The following UBTD1 variants were observed in gnomAD, a reference collection of about 807,000 sequenced individuals.
The protein encoded by UBTD1 is ubiquitin domain-containing protein 1.
UBTD1 carries 19 observed loss-of-function variants against 21.7 expected under a neutral mutation model. That is an observed-to-expected ratio of 0.87 (90% CI 0.61 to 1.28). The LOEUF is 1.28. UBTD1 is among the 50% of genes most tolerant of loss of function. UBTD1 has a pLI of 0.00. For synonymous variants in UBTD1, 116 were observed against 135.1 expected, an observed-to-expected ratio of 0.86 and a Z score of 0.98; for missense variants, 282 against 315.1, an observed-to-expected ratio of 0.89 and a Z score of 0.80.
chr10:97,523,688 G>A (rs1215297845), intron 1 of UBTD1, among the ~76,000 whole-genome samples: 1 of 152,118 alleles, frequency 6.6e-6, no homozygotes. Context: ...TTGGGCACCT[G>A]GGGGCTGGGG....
intron 1 of UBTD1, among the ~76,000 whole-genome samples, chr10:97,507,384 C>T (rs559691614): frequency 2.1e-3 from 325 of 152,050 alleles, no homozygotes; most frequent in Middle Eastern, 0.02. Flanking sequence ...CACCTATAAT[C>T]CCAGCACTTT....
chr10:97,559,488 A>C (rs1191746086), intron 1 of UBTD1, among the ~76,000 whole-genome samples: 6 of 152,170 alleles, frequency 3.9e-5, no homozygotes, highest in Admixed American at 2.6e-4. Context: ...CTTTAGCACC[A>C]ATTTTTACTA....
At chr10:97,525,788 C>A (rs978311573) in intron 1 of UBTD1, among the ~76,000 whole-genome samples, 1 of 152,204 alleles carries the variant, frequency 6.6e-6, no homozygotes, top group African/African-American at 2.4e-5. Flanking sequence ...TGCGGGAGAG[C>A]AAGGACTTTG....
chr10:97,568,027 G>T lies in UBTD1; in HGVS notation c.184G>T (p.Glu62Ter). 6.2e-7 allele frequency: 1 copy of T among 1,614,042 alleles called. No individual in the cohort carries two copies. Among genetic ancestry groups the T allele is most frequent in the East Asian group, 2.2e-5 (1 of 44,886 alleles). The change falls in exon 2 of 3, where the codon GAG becomes TAG. Residue 62 changes from glutamate to a stop codon, truncating the protein, a stop_gained. Coordinates refer to ENST00000370664, the MANE Select transcript of UBTD1 (RefSeq NM_024954.5). LOFTEE classifies it high-confidence loss of function. ...GTTCTGGGACACAGCGCCTGCCTTCGAGGGCCGCAAGGAGATCTGGGATGC... is the reference window on the plus strand; with the variant it reads ...GTTCTGGGACACAGCGCCTGCCTTCTAGGGCCGCAAGGAGATCTGGGATGC... ...DEFWDTAPAFEGRKEIWDALK... is the reference protein window; with the variant it reads ...DEFWDTAPAF
intron 1 of UBTD1, among the ~76,000 whole-genome samples, chr10:97,514,284 T>C (rs572512331): frequency 6.6e-6 from 1 of 152,242 alleles, no homozygotes; most frequent in Admixed American, 6.5e-5. Context: ...TTTACCATTC[T>C]CCACTGCTGC....
At chr10:97,520,569 G>T (rs928947630) in intron 1 of UBTD1, among the ~76,000 whole-genome samples, 1 of 152,186 alleles carries the variant, frequency 6.6e-6, no homozygotes, top group Non-Finnish European at 1.5e-5. Context: ...TAGGAGAAAT[G>T]AATTATTTTG....
intron 1 of UBTD1, among the ~76,000 whole-genome samples, chr10:97,547,824 C>G (rs1055225038): frequency 6.6e-6 from 1 of 151,980 alleles, no homozygotes; most frequent in African/African-American, 2.4e-5. Flanking sequence ...CTTGGCCTCC[C>G]AAGTGCTGGG....
intron 1 of UBTD1, among the ~76,000 whole-genome samples, chr10:97,539,927 G>A (rs759531611): frequency 7.9e-5 from 1 of 12,732 alleles, no homozygotes; most frequent in Non-Finnish European, 6.1e-4. Context: ...TAGCTGGGAT[G>A]CCTGTGCAGC....
chr10:97,523,541 C>T (rs2040475308), intron 1 of UBTD1, among the ~76,000 whole-genome samples: 1 of 152,062 alleles, frequency 6.6e-6, no homozygotes, highest in Non-Finnish European at 1.5e-5. Context: ...TCTGCAGGGC[C>T]TGTCTTCTCC....
chr10:97,570,063 T>C lies in UBTD1; in HGVS notation c.299-75T>C. 5 of 1,522,866 alleles carry C rather than the reference T, an allele frequency of 3.3e-6. No individual in the cohort carries two copies. Among genetic ancestry groups the C allele is most frequent in the Non-Finnish European group, 4.4e-6 (5 of 1,135,362 alleles). The allele number at this position is 1,522,866 out of a possible 1,614,324, so 94.3% of individuals were successfully genotyped here. A position where few individuals can be genotyped will look rare whatever the true frequency, so the allele number is the denominator to read the frequency against. On this transcript the variant is annotated intron_variant, in intron 2 of 2. Coordinates refer to ENST00000370664, the MANE Select transcript of UBTD1 (RefSeq NM_024954.5). This position sits in a 1 kb window ranked among gnomAD's most constrained non-coding sequence, Gnocchi z 6.6. ...GGGGGTTAGAGTTTCACCATATGAA[T>C]TTGGGGGGACCCAAACATTTAATCC...
intron 1 of UBTD1, among the ~76,000 whole-genome samples, chr10:97,519,958 T>C (rs2040460245): frequency 6.6e-6 from 1 of 152,138 alleles, no homozygotes; most frequent in South Asian, 2.1e-4. Flanking sequence ...GGCTTGGGGC[T>C]TGGGGCAAGT....
rs1204373353 is a variant in UBTD1, at chr10:97,570,163, G to A, written c.324G>A (p.Glu108=). 6.2e-7 allele frequency: 1 copy of A among 1,611,340 alleles called. No homozygotes were observed. Among genetic ancestry groups the A allele is most frequent in the Non-Finnish European group, 8.5e-7 (1 of 1,178,624 alleles). Residue 108 remains glutamate (E), a synonymous_variant, in exon 3 of 3, where the codon GAG becomes GAA. Transcript: ENST00000370664. The surrounding 1 kb of genome is among the most constrained non-coding windows in gnomAD (Gnocchi z 6.6). ...PHGTLCECYD[E]LGNRYQLPIY... is the part of the protein sequence containing the mutation. ...GCACCCTCTGTGAATGCTACGATGA[G>A]CTGGGCAATCGCTACCAGCTGCCCA...
In UBTD1 at chr10:97,568,429, T is replaced by A. The variant is rs371077726; in HGVS notation, c.298+288T>A. On this transcript the variant is annotated intron_variant, in intron 2 of 2. Coordinates refer to ENST00000370664, the MANE Select transcript of UBTD1 (RefSeq NM_024954.5). ...GGCACTGACCTTTTTATTTTATTTT[T>A]TTTTTTGAGATGGAGTCTTACTTGC... is the stretch of plus-strand genomic sequence containing the variant. Among the ~76,000 whole-genome samples the A allele has an allele frequency of 1.2e-3, 178 of 152,226 alleles. 1 individual carries two copies. The highest frequency in any genetic ancestry group is 2.8e-3 in the Admixed American group (43 of 15,294).
At chr10:97,510,636 C>A (rs1407064606) in intron 1 of UBTD1, among the ~76,000 whole-genome samples, 4 of 152,090 alleles carry the variant, frequency 2.6e-5, no homozygotes, top group African/African-American at 4.8e-5. Context: ...TAGCCAGCTG[C>A]CCCCAGCCTT....
chr10:97,514,850 G>A (rs1435821854), intron 1 of UBTD1, among the ~76,000 whole-genome samples: 2 of 152,200 alleles, frequency 1.3e-5, no homozygotes, highest in African/African-American at 4.8e-5. Flanking sequence ...AAGCCGGAGA[G>A]AATGGCCCCC....
chr10:97,530,636 C>T (rs1049693106), intron 1 of UBTD1, among the ~76,000 whole-genome samples: 6 of 152,044 alleles, frequency 3.9e-5, no homozygotes, highest in African/African-American at 1.2e-4. Context: ...CGGCAAGCAG[C>T]AGGGGTTGAG....
At chr10:97,539,305 A>C (rs536451832) in intron 1 of UBTD1, among the ~76,000 whole-genome samples, 2 of 152,144 alleles carry the variant, frequency 1.3e-5, no homozygotes, top group African/African-American at 4.8e-5. Context: ...TTCGAAAAAA[A>C]GTTTTGGGCT....
intron 1 of UBTD1, among the ~76,000 whole-genome samples, chr10:97,511,217 T>C (rs10736118): frequency 0.76 from 116,273 of 152,138 alleles, 46,128 homozygotes; most frequent in East Asian, 0.98. Flanking sequence ...GATTGTGCAG[T>C]AGGCACTGTA....
intron 1 of UBTD1, among the ~76,000 whole-genome samples, chr10:97,535,545 G>T (rs1306027675): frequency 6.6e-6 from 1 of 152,122 alleles, no homozygotes. Context: ...AACCCAGGAG[G>T]CGGAGGTTGC....
Sources: gnomAD v4.1 joint callset for allele counts (sites outside exome capture counted in the v4.1 genomes callset) on GRCh38, gnomAD v4.1.1 for gene constraint, Gnocchi (gnomAD v3.1) non-coding constraint, MANE v1.5 for transcripts, NCBI Gene and HGNC (gene_info 2026-07-23, HGNC 2026-07-21) for gene names.